The following DRC7 variants were observed in gnomAD, a reference collection of about 807,000 sequenced individuals.
DRC7 encodes the protein dynein regulatory complex subunit 7, also known as coiled-coil domain containing 135.
In DRC7, 80 loss-of-function variants were observed where a neutral mutation model predicts 104.4. That is an observed-to-expected ratio of 0.77 (90% CI 0.64 to 0.92). The LOEUF (loss-of-function observed/expected upper bound fraction) is 0.92. DRC7 is among the 40% of genes least tolerant of loss of function. The pLI is 0.00. For synonymous variants in DRC7, 405 were observed against 447.3 expected (o/e 0.91, Z 1.19); for missense variants, 1,034 against 1,141.1 (o/e 0.91, Z 1.35).
rs761797506 is a variant in DRC7 at position 57,731,235 on chromosome 16, G to C, written c.2602G>C (p.Glu868Gln). ...GCTCTACAAGGACCCACGCCTGGGG[G>C]AGCTCCAGAAAATATTCGCTTGATG... ...EKLYKDPRLG[E>Q]LQKIFA The change falls in exon 19 of 19, where the codon GAG becomes CAG. Residue 868 changes from glutamate to glutamine, a missense_variant. Coordinates refer to ENST00000360716, the MANE Select transcript of DRC7 (RefSeq NM_001289162.2). 6.2e-7 allele frequency: 1 copy of C among 1,613,596 alleles called. No individual in the cohort carries two copies. Among genetic ancestry groups the C allele is most frequent in the Non-Finnish European group, 8.5e-7 (1 of 1,179,940 alleles).
At position 57,731,086 on chromosome 16, in the gene DRC7, A is replaced by G. The variant is rs1264984914; in HGVS notation, c.2531+16A>G. The G allele has an allele frequency of 6.2e-7, 1 of 1,613,752 alleles. No individual in the cohort carries two copies. Among genetic ancestry groups the G allele is most frequent in the Non-Finnish European group, 8.5e-7 (1 of 1,179,946 alleles). On this transcript the variant is annotated intron_variant, in intron 18 of 18. Coordinates refer to ENST00000360716, the MANE Select transcript of DRC7 (RefSeq NM_001289162.2). ...GCCTCAATCGGTGAGCAGGCAGGGC[A>G]GGTGGAGAGAACCCACTGGGAGGCT...
rs372617061 is a variant in DRC7 at position 57,726,889 on chromosome 16, C to G, written c.2032C>G (p.Leu678Val). The change falls in exon 15 of 19, where the codon CTG (leucine) becomes GTG (valine). Residue 678 changes from leucine (L) to valine (V), a missense_variant. Leu to Val is a conservative substitution (Grantham distance 32). Transcript: ENST00000360716. ...CTACCAGTACGAGGCCATGATGCAC[C>G]TGAAGAGGGAGGAGAAGCTGTCCAG... is the stretch of plus-strand genomic sequence containing the variant. ...LLYQYEAMMH[L>V]KREEKLSRHQ... 6.2e-7 allele frequency: 1 copy of G among 1,613,230 alleles called. No individual in the cohort carries two copies. Among genetic ancestry groups the G allele is most frequent in the African/African-American group, 1.3e-5 (1 of 74,888 alleles).
chr16:57,699,164 C>T, intron 4 of DRC7, 140 bp downstream of exon 4: 1 of 1,027,472 alleles, frequency 9.7e-7, no homozygotes, highest in East Asian at 2.5e-5. Flanking sequence ...AGTCTGGGGG[C>T]AACATAAAGT....
chr16:57,701,582 T>G, intron 5 of DRC7: 1 of 198,448 alleles, frequency 5.0e-6, no homozygotes, highest in Non-Finnish European at 1.0e-5. Context: ...GGAGAACTGA[T>G]AAAGGGAGGA....
At chr16:57,704,512 G>T (rs567400738) in intron 6 of DRC7, among the ~76,000 whole-genome samples, 18 of 152,194 alleles carry the variant, frequency 1.2e-4, no homozygotes, top group Middle Eastern at 6.8e-3. Context: ...CCCACTTCTG[G>T]ATCAGACCCA....
In DRC7 at chr16:57,694,868, G is replaced by A. The variant is rs751743399; in HGVS notation, c.-169+16G>A. On this transcript the variant is annotated intron_variant, in intron 1 of 18. Transcript: ENST00000360716. The stretch of plus-strand genomic sequence containing the variant: ...CCTCGGAGGGGTGAGGAGGGAGCAA[G>A]GGACTTGGGGTGGCTGGACCCTGTC... The A allele has an allele frequency of 6.6e-6, 1 of 152,226 alleles. No individual in the cohort carries two copies. The highest frequency in any genetic ancestry group is 1.5e-5 in the Non-Finnish European group (1 of 68,058). 9.4% of individuals were successfully genotyped at this position (152,226 alleles called of 1,614,324 possible).
chr16:57,710,847 T>C (rs770089843), intron 8 of DRC7, among the ~76,000 whole-genome samples: 17 of 152,258 alleles, frequency 1.1e-4, no homozygotes, highest in African/African-American at 4.1e-4. Flanking sequence ...CTCATTTCAT[T>C]GTGATGGTTA....
intron 7 of DRC7, 100 bp downstream of exon 7, chr16:57,705,134 C>G (rs2048698677): frequency 7.6e-7 from 1 of 1,309,390 alleles, no homozygotes; most frequent in Non-Finnish European, 1.0e-6. Context: ...TGTGTATGGA[C>G]CCCCCAACTA....
chr16:57,707,137 T>G (rs1270355605), intron 7 of DRC7, among the ~76,000 whole-genome samples: 1 of 152,220 alleles, frequency 6.6e-6, no homozygotes, highest in Non-Finnish European at 1.5e-5. Context: ...AGAAAGGTAC[T>G]TGGTCTCCCA....
chr16:57,707,358 A>G (rs553958620), intron 7 of DRC7, 102 bp from the exon 8 acceptor site: 17 of 1,062,378 alleles, frequency 1.6e-5, no homozygotes, highest in Non-Finnish European at 2.0e-5. Flanking sequence ...CTACATCAGA[A>G]CTCAGCTCTC....
At chr16:57,716,696 A>C (rs2048847586) in intron 8 of DRC7, among the ~76,000 whole-genome samples, 1 of 152,082 alleles carries the variant, frequency 6.6e-6, no homozygotes. Flanking sequence ...GAGCCCTCCC[A>C]GGACCCACAC....
chr16:57,696,356 G>A (rs774380946), intron 1 of DRC7, 108 bp from the exon 2 acceptor site: 1 of 152,284 alleles, frequency 6.6e-6, no homozygotes, highest in Non-Finnish European at 1.5e-5. Context: ...GCCACCTCAT[G>A]GTCTCGCCTT....
At chr16:57,697,544 G>A (rs560962188) in intron 2 of DRC7, among the ~76,000 whole-genome samples, 42 of 152,094 alleles carry the variant, frequency 2.8e-4, no homozygotes, top group African/African-American at 1.0e-3. Context: ...CTCCAAGCCT[G>A]AGTGACAGAG....
intron 15 of DRC7, 23 bp downstream of exon 15, chr16:57,726,965 G>C (rs1392060144): frequency 1.4e-6 from 2 of 1,437,840 alleles, no homozygotes; most frequent in African/African-American, 2.8e-5. Flanking sequence ...GGGAGAGTGA[G>C]CAGGTGGGCG....
At chr16:57,700,385 A>C in intron 5 of DRC7, 115 bp downstream of exon 5, 30 of 1,344,932 alleles carry the variant, frequency 2.2e-5, no homozygotes, top group Non-Finnish European at 2.8e-5. Flanking sequence ...GTGGTAGCTC[A>C]TGCCTGTAAT....
At chr16:57,700,090 G>C in intron 4 of DRC7, 55 bp from the exon 5 acceptor site, 1 of 1,582,420 alleles carries the variant, frequency 6.3e-7, no homozygotes, top group Non-Finnish European at 8.6e-7. Context: ...CCCCAAGCTT[G>C]ATCTCACAAG....
intron 17 of DRC7, 49 bp downstream of exon 17, chr16:57,728,633 C>T (rs1372334512): frequency 7.5e-6 from 11 of 1,462,590 alleles, no homozygotes; most frequent in Non-Finnish European, 1.0e-5. Context: ...GCATCTGCAT[C>T]CAGGAAATGG....
chr16:57,708,331 GT>G (rs1367133238), intron 8 of DRC7, among the ~76,000 whole-genome samples: 1 of 152,134 alleles, frequency 6.6e-6, no homozygotes, highest in African/African-American at 2.4e-5. Flanking sequence ...AGTTTCATCT[GT>G]TTTTGGAGTT....
chr16:57,700,092 T>C, intron 4 of DRC7, 53 bp from the exon 5 acceptor site: 1 of 1,583,212 alleles, frequency 6.3e-7, no homozygotes, highest in Non-Finnish European at 8.6e-7. Flanking sequence ...CCAAGCTTGA[T>C]CTCACAAGTT....
Sources: gnomAD v4.1 joint callset for allele counts (sites outside exome capture counted in the v4.1 genomes callset) on GRCh38, gnomAD v4.1.1 for gene constraint, MANE v1.5 for transcripts, NCBI Gene and HGNC (gene_info 2026-07-23, HGNC 2026-07-21) for gene names.